PDE4B: variants seen among roughly 807,000 people sequenced by gnomAD.
PDE4B encodes the protein 3',5'-cyclic-AMP phosphodiesterase 4B.
A neutral mutation model predicts 82.2 loss-of-function variants in PDE4B; 20 were observed. The ratio of observed to expected loss-of-function variants is 0.24; its 90% confidence interval spans 0.17 to 0.35. The LOEUF is 0.35. Among genes scored for constraint, PDE4B ranks in the 10% least tolerant of loss-of-function variants. The probability of loss-of-function intolerance (pLI) is 1.00; values close to 1 mark genes in which losing one functional copy is unlikely to be tolerated. For synonymous variants in PDE4B, 320 were observed against 318.9 expected (o/e 1.00, Z -0.04); for missense variants, 655 against 907.2 (o/e 0.72, Z 3.57).
intron 3 of PDE4B, among the ~76,000 whole-genome samples, chr1:66,191,712 A>G (rs915645624): frequency 6.6e-6 from 1 of 152,186 alleles, no homozygotes; most frequent in Non-Finnish European, 1.5e-5. Flanking sequence ...TGATAAAGAC[A>G]TACCCGAGAC....
intron 3 of PDE4B, among the ~76,000 whole-genome samples, chr1:66,061,436 T>C (rs1404999961): frequency 1.3e-5 from 2 of 151,844 alleles, no homozygotes; most frequent in Non-Finnish European, 2.9e-5. Context: ...CTCGGTTTCA[T>C]GAAGGACAGG....
intron 4 of PDE4B, among the ~76,000 whole-genome samples, chr1:66,252,670 G>A (rs1254800532): frequency 6.6e-6 from 1 of 152,172 alleles, no homozygotes; most frequent in African/African-American, 2.4e-5. Flanking sequence ...TTGTAAATTG[G>A]GCAGGGCGTG....
chr1:66,071,455 C>T (rs1366034937), intron 3 of PDE4B, among the ~76,000 whole-genome samples: 2 of 152,016 alleles, frequency 1.3e-5, no homozygotes, highest in African/African-American at 2.4e-5. Flanking sequence ...TTTTAAAGTT[C>T]CCTTTGAAGA....
At chr1:66,000,231 G>A (rs1651789866) in intron 3 of PDE4B, among the ~76,000 whole-genome samples, 1 of 152,196 alleles carries the variant, frequency 6.6e-6, no homozygotes, top group Admixed American at 6.5e-5. Flanking sequence ...CCAAATGCCT[G>A]AGGAGAAGTG....
chr1:66,332,151 G>T (rs557089789), intron 7 of PDE4B: 1 of 1,364,014 alleles, frequency 7.3e-7, no homozygotes, highest in South Asian at 1.9e-5. Flanking sequence ...GGCAGAGAGA[G>T]TCTGAGAAAA....
intron 3 of PDE4B, among the ~76,000 whole-genome samples, chr1:65,958,748 ACGCGCG>A (rs771789001): frequency 1.5e-5 from 2 of 135,976 alleles, no homozygotes; most frequent in East Asian, 2.0e-4. Flanking sequence ...ACACACACAC[ACGCGCG>A]CGCGCGCGCG....
At chr1:65,910,934 CT>C (rs371606736) in intron 1 of PDE4B, among the ~76,000 whole-genome samples, 18 of 151,252 alleles carry the variant, frequency 1.2e-4, no homozygotes, top group Admixed American at 2.0e-4. Context: ...ATATTTCTTG[CT>C]TTTTTTTTGT....
chr1:65,941,985 A>G (rs1306082442), intron 3 of PDE4B, among the ~76,000 whole-genome samples: 2 of 152,000 alleles, frequency 1.3e-5, no homozygotes, highest in Non-Finnish European at 2.9e-5. Context: ...AATTCATTCT[A>G]CCCATACCCA....
intron 3 of PDE4B, among the ~76,000 whole-genome samples, chr1:66,136,427 G>A (rs1429872579): frequency 2.0e-5 from 3 of 152,110 alleles, no homozygotes; most frequent in Non-Finnish European, 4.4e-5. Context: ...AAGGGGCAGG[G>A]CACAGTGGCT....
intron 3 of PDE4B, among the ~76,000 whole-genome samples, chr1:66,202,494 A>G (rs928037476): frequency 2.0e-5 from 3 of 152,130 alleles, no homozygotes; most frequent in Admixed American, 2.0e-4. Flanking sequence ...GTCTCTTTGT[A>G]GGTCACGCAG....
intron 1 of PDE4B, among the ~76,000 whole-genome samples, chr1:65,911,036 T>A (rs1020899605): frequency 1.3e-5 from 2 of 152,218 alleles, no homozygotes; most frequent in East Asian, 3.8e-4. Flanking sequence ...TAATTTGTGA[T>A]CCTGCTTTTT....
At chr1:66,020,212 G>C (rs1292220436) in intron 3 of PDE4B, among the ~76,000 whole-genome samples, 1 of 152,134 alleles carries the variant, frequency 6.6e-6, no homozygotes. Context: ...GAACAGGTCA[G>C]GTACAGTAGG....
In PDE4B at chr1:66,254,119, C is replaced by T. The variant is rs148299495; in HGVS notation, c.477-3528C>T. ...GGAAATCCGGGAGTCATAGAAGATG[C>T]ACTTAAATCTAAATCCGTTATCTTG... On this transcript the variant is annotated intron_variant, in intron 4 of 16. Coordinates refer to ENST00000341517, the MANE Select transcript of PDE4B (RefSeq NM_002600.4). Among the ~76,000 whole-genome samples the T allele has an allele frequency of 1.3e-3, 196 of 152,194 alleles. 1 individual carries two copies. The highest frequency in any genetic ancestry group is 4.3e-3 in the African/African-American group (178 of 41,518).
intron 3 of PDE4B, among the ~76,000 whole-genome samples, chr1:66,004,788 A>T (rs1395274762): frequency 6.6e-6 from 1 of 152,068 alleles, no homozygotes; most frequent in Non-Finnish European, 1.5e-5. Flanking sequence ...GATTGACAGA[A>T]TCTAGACATG....
At chr1:66,222,471 C>T (rs962133073) in intron 3 of PDE4B, among the ~76,000 whole-genome samples, 1 of 152,216 alleles carries the variant, frequency 6.6e-6, no homozygotes, top group Non-Finnish European at 1.5e-5. Context: ...TGATTCCTTT[C>T]TACTATCTTC....
intron 1 of PDE4B, among the ~76,000 whole-genome samples, chr1:65,829,576 CAGAAT>C (rs1283883621): frequency 1.3e-5 from 2 of 151,944 alleles, no homozygotes; most frequent in Admixed American, 1.3e-4. Context: ...ATTAATTTAA[CAGAAT>C]AGAAGTTATA....
chr1:66,045,307 G>A (rs546530605), intron 3 of PDE4B, among the ~76,000 whole-genome samples: 25 of 151,386 alleles, frequency 1.7e-4, no homozygotes, highest in African/African-American at 6.0e-4. Context: ...TCTCAAAGTA[G>A]CACTTAGTCA....
chr1:65,961,903 AT>A (rs1456973669), intron 3 of PDE4B, among the ~76,000 whole-genome samples: 2 of 152,196 alleles, frequency 1.3e-5, no homozygotes, highest in African/African-American at 4.8e-5. Flanking sequence ...TACGCAGTAA[AT>A]AACAAACAGT....
intron 1 of PDE4B, among the ~76,000 whole-genome samples, chr1:65,809,710 A>T (rs1645798124): frequency 6.6e-6 from 1 of 152,192 alleles, no homozygotes; most frequent in Non-Finnish European, 1.5e-5. Flanking sequence ...TTTAAACTGC[A>T]CTTTCTGAAA....
Sources: gnomAD v4.1 joint callset for allele counts (sites outside exome capture counted in the v4.1 genomes callset) on GRCh38, gnomAD v4.1.1 for gene constraint, MANE v1.5 for transcripts, NCBI Gene and HGNC (gene_info 2026-07-23, HGNC 2026-07-21) for gene names.